Variants in CAST observed in about 807,000 individuals in gnomAD.
The protein encoded by CAST is MIR583 host.
A neutral mutation model predicts 119.6 loss-of-function variants in CAST; 76 were observed. The ratio of observed to expected loss-of-function variants is 0.64; its 90% confidence interval spans 0.53 to 0.77. The LOEUF is 0.77. Among genes scored for constraint, CAST ranks in the 30% least tolerant of loss-of-function variants. CAST has a pLI of 0.00. For synonymous variants in CAST, 319 were observed against 331.6 expected (o/e 0.96, Z 0.41); for missense variants, 953 against 946.5 (o/e 1.01, Z -0.09).
chr5:96,704,882 T>C (rs1249031802), intron 3 of CAST, among the ~76,000 whole-genome samples: 1 of 152,246 alleles, frequency 6.6e-6, no homozygotes, highest in Non-Finnish European at 1.5e-5. Context: ...TCAAAAGGCA[T>C]AGTCTTGGCA....
At chr5:96,392,971 A>AT in the CAST span, 1 of 1,612,636 alleles carries the variant, frequency 6.2e-7, no homozygotes, top group Non-Finnish European at 8.5e-7. Context: ...AGAAGCATGA[A>AT]TATTTCCAAC....
the CAST span, among the ~76,000 whole-genome samples, chr5:96,109,035 T>C: frequency 6.4e-3 from 980 of 152,382 alleles, 11 homozygotes; most frequent in African/African-American, 0.022. Context: ...GGGAACTCCC[T>C]GACCCCTTGC....
At chr5:96,612,683 AT>A (rs1001245305) in intron 1 of CAST, among the ~76,000 whole-genome samples, 4 of 152,186 alleles carry the variant, frequency 2.6e-5, no homozygotes, top group Non-Finnish European at 5.9e-5. Context: ...TTACTTTATA[AT>A]TTTGGTTTAC....
At chr5:96,696,749 A>C (rs764243158) in intron 3 of CAST, among the ~76,000 whole-genome samples, 15 of 151,240 alleles carry the variant, frequency 9.9e-5, no homozygotes, top group Non-Finnish European at 1.3e-4. Context: ...CCAGCTACTC[A>C]GATGGCTGAG....
At chr5:96,638,673 A>G (rs370953973) in intron 1 of CAST, among the ~76,000 whole-genome samples, 22 of 152,286 alleles carry the variant, frequency 1.4e-4, no homozygotes, top group African/African-American at 5.1e-4. Flanking sequence ...TAAGAACACC[A>G]TAAGCAGCTC....
At chr5:96,360,050 A>G in the CAST span, among the ~76,000 whole-genome samples, 1 of 151,802 alleles carries the variant, frequency 6.6e-6, no homozygotes, top group African/African-American at 2.4e-5. Context: ...TCTTTTTTCT[A>G]TAACCTTGTC....
intron 1 of CAST, among the ~76,000 whole-genome samples, chr5:96,533,267 G>GT (rs1745724033): frequency 6.6e-6 from 1 of 152,008 alleles, no homozygotes; most frequent in Non-Finnish European, 1.5e-5. Context: ...AAACAAAGAG[G>GT]TAAGAAACAA....
At chr5:96,010,477 A>G in the CAST span, among the ~76,000 whole-genome samples, 1 of 151,874 alleles carries the variant, frequency 6.6e-6, no homozygotes. Flanking sequence ...ACACCTGGCT[A>G]ATTTTTGTAT....
chr5:96,534,779 A>AAG (rs1561409006), intron 1 of CAST, among the ~76,000 whole-genome samples: 1 of 136,206 alleles, frequency 7.3e-6, no homozygotes, highest in Non-Finnish European at 1.6e-5. Flanking sequence ...GAAAGAAAGA[A>AAG]AGAAAGAAAG....
At chr5:96,671,023 A>G (rs991628822) in intron 1 of CAST, among the ~76,000 whole-genome samples, 1 of 152,216 alleles carries the variant, frequency 6.6e-6, no homozygotes, top group South Asian at 2.1e-4. Context: ...TTTTAAACGT[A>G]TAGAGGCTGT....
At chr5:96,629,119 A>G (rs155046) in intron 1 of CAST, among the ~76,000 whole-genome samples, 37,433 of 152,066 alleles carry the variant, frequency 0.25, 5,107 homozygotes, top group East Asian at 0.49. Context: ...GAGCCTAATA[A>G]AAGATAATTG....
At chr5:96,604,647 G>T (rs1747218032) in intron 1 of CAST, among the ~76,000 whole-genome samples, 1 of 152,200 alleles carries the variant, frequency 6.6e-6, no homozygotes. Flanking sequence ...AATATGGAAT[G>T]ATTGTGTAAG....
At chr5:96,138,901 T>A in the CAST span, among the ~76,000 whole-genome samples, 10 of 152,114 alleles carry the variant, frequency 6.6e-5, no homozygotes, top group South Asian at 4.1e-4. Context: ...ATTTATAATT[T>A]GTTTATTTTT....
chr5:96,679,807 T>C (rs1751133188), intron 2 of CAST, among the ~76,000 whole-genome samples: 1 of 152,274 alleles, frequency 6.6e-6, no homozygotes, highest in South Asian at 2.1e-4. Flanking sequence ...ATTTTTTTTT[T>C]ACTTTTTTCT....
the CAST span, among the ~76,000 whole-genome samples, chr5:96,396,851 G>T: frequency 6.6e-6 from 1 of 152,186 alleles, no homozygotes; most frequent in African/African-American, 2.4e-5. Flanking sequence ...TTTGTTTCAT[G>T]ACTAAAACTG....
intron 3 of CAST, among the ~76,000 whole-genome samples, chr5:96,697,192 C>T (rs1243097109): frequency 6.6e-6 from 1 of 152,216 alleles, no homozygotes; most frequent in East Asian, 1.9e-4. Flanking sequence ...AAAGTTGTTA[C>T]ATTCAACCCA....
At chr5:96,569,128 T>C (rs1746528063) in intron 1 of CAST, among the ~76,000 whole-genome samples, 2 of 152,184 alleles carry the variant, frequency 1.3e-5, no homozygotes, top group African/African-American at 4.8e-5. Context: ...ACCAAACCAA[T>C]ACAAACAAAC....
At chr5:96,385,246 G>A in the CAST span, among the ~76,000 whole-genome samples, 1 of 152,208 alleles carries the variant, frequency 6.6e-6, no homozygotes, top group South Asian at 2.1e-4. Flanking sequence ...AGGTCAAGGA[G>A]TGATGATTGA....
intron 3 of CAST, among the ~76,000 whole-genome samples, chr5:96,699,343 G>A (rs987028949): frequency 1.3e-5 from 2 of 152,216 alleles, no homozygotes; most frequent in African/African-American, 4.8e-5. Context: ...ACTGGTTAAA[G>A]TTGTTAGTTC....
Sources: allele counts gnomAD v4.1 joint callset (sites outside exome capture counted in the v4.1 genomes callset), GRCh38; gene constraint gnomAD v4.1.1; transcripts MANE v1.5; gene names NCBI Gene and HGNC (gene_info 2026-07-23, HGNC 2026-07-21).